The following KCTD8 variants were observed in gnomAD, a reference collection of about 807,000 sequenced individuals.
KCTD8 encodes potassium channel tetramerization domain containing 8, also known as BTB/POZ domain-containing protein KCTD8.
In KCTD8, 27 loss-of-function variants were observed where a neutral mutation model predicts 31.5. That is an observed-to-expected ratio of 0.86 (90% confidence interval 0.63 to 1.18). KCTD8 has a LOEUF of 1.18. KCTD8 is among the 50% of genes most tolerant of loss of function. KCTD8 has a pLI of 0.00. For synonymous variants in KCTD8, 290 were observed against 280.0 expected (o/e 1.04, Z -0.36); for missense variants, 658 against 647.7 (o/e 1.02, Z -0.17).
intron 1 of KCTD8, among the ~76,000 whole-genome samples, chr4:44,255,550 G>GA (rs1395675540): frequency 4.0e-5 from 6 of 151,690 alleles, no homozygotes; most frequent in Admixed American, 4.0e-4. Context: ...TGTCTTAATA[G>GA]AAAAAACTTT....
intron 1 of KCTD8, among the ~76,000 whole-genome samples, chr4:44,263,440 C>G (rs1032708879): frequency 6.6e-6 from 1 of 152,140 alleles, no homozygotes; most frequent in African/African-American, 2.4e-5. Context: ...ATGGCTACTT[C>G]TTAATCGTTT....
intron 1 of KCTD8, among the ~76,000 whole-genome samples, chr4:44,384,313 G>T (rs1265332259): frequency 6.6e-6 from 1 of 151,844 alleles, no homozygotes; most frequent in Non-Finnish European, 1.5e-5. Flanking sequence ...CTACCGCTGG[G>T]TGTGTATTCA....
chr4:44,370,379 C>A (rs372586917), intron 1 of KCTD8, among the ~76,000 whole-genome samples: 2 of 152,118 alleles, frequency 1.3e-5, no homozygotes, highest in African/African-American at 4.8e-5. Context: ...AGCTATATCC[C>A]TATGTCCAAT....
intron 1 of KCTD8, among the ~76,000 whole-genome samples, chr4:44,250,827 T>C (rs1370637691): frequency 1.3e-5 from 2 of 151,778 alleles, no homozygotes; most frequent in Non-Finnish European, 3.0e-5. Flanking sequence ...TTAATTTATA[T>C]AGGGTGCAAA....
chr4:44,255,266 C>T (rs1715958821), intron 1 of KCTD8, among the ~76,000 whole-genome samples: 1 of 151,810 alleles, frequency 6.6e-6, no homozygotes, highest in Non-Finnish European at 1.5e-5. Context: ...GTTGCTAAAA[C>T]CCATCTAAGC....
chr4:44,411,004 ATTTTACACAGGAGTTCTC>A (rs1720940360), intron 1 of KCTD8, among the ~76,000 whole-genome samples: 1 of 152,182 alleles, frequency 6.6e-6, no homozygotes, highest in Admixed American at 6.6e-5. Flanking sequence ...CATTTAATAG[ATTTTACACAGGAGTTCTC>A]AGTGACTTTA....
At chr4:44,316,787 A>G (rs1446406433) in intron 1 of KCTD8, among the ~76,000 whole-genome samples, 2 of 130,572 alleles carry the variant, frequency 1.5e-5, no homozygotes, top group Non-Finnish European at 1.6e-5. Flanking sequence ...CATCTCTACT[A>G]AAAATACGAA....
At chr4:44,345,524 C>G (rs1719014010) in intron 1 of KCTD8, among the ~76,000 whole-genome samples, 1 of 152,076 alleles carries the variant, frequency 6.6e-6, no homozygotes, top group Non-Finnish European at 1.5e-5. Flanking sequence ...ATCTAAAAGA[C>G]TATTTACATA....
At chr4:44,310,598 A>G (rs1717920524) in intron 1 of KCTD8, among the ~76,000 whole-genome samples, 1 of 152,100 alleles carries the variant, frequency 6.6e-6, no homozygotes. Context: ...ATGCTCTGAA[A>G]TGTTTCAAAG....
intron 1 of KCTD8, among the ~76,000 whole-genome samples, chr4:44,210,440 G>C (rs964762229): frequency 6.6e-6 from 1 of 152,084 alleles, no homozygotes; most frequent in Admixed American, 6.6e-5. Context: ...AATCCAATGA[G>C]GTTATATAAC....
rs1719126382 is a variant in KCTD8, at chr4:44,349,086, ACC to A, written c.961+98475_961+98476del. 2.4e-5 allele frequency among the ~76,000 whole-genome samples: 3 copies of A among 124,386 alleles called. 1 individual carries two copies. Among genetic ancestry groups the A allele is most frequent in the African/African-American group, 9.3e-5 (3 of 32,328 alleles). The allele number at this position is 124,386 out of a possible 152,430, so 81.6% of individuals were successfully genotyped here. ...CGCTGCCACCGCCACCACCACCACC[ACC>A]ACCACCACTACCACCAATGCTATCA... On this transcript the variant is annotated intron_variant, in intron 1 of 1. Transcript: ENST00000360029.
chr4:44,401,921 C>G (rs1189821572), intron 1 of KCTD8, among the ~76,000 whole-genome samples: 1 of 152,070 alleles, frequency 6.6e-6, no homozygotes. Flanking sequence ...TATACCCTCC[C>G]AAAATAATTT....
At chr4:44,193,823 G>A (rs575839538) in intron 1 of KCTD8, among the ~76,000 whole-genome samples, 11 of 151,986 alleles carry the variant, frequency 7.2e-5, no homozygotes, top group Non-Finnish European at 1.5e-4. Flanking sequence ...CCTCTGACAT[G>A]CATATTTCTG....
intron 1 of KCTD8, among the ~76,000 whole-genome samples, chr4:44,365,314 A>G (rs1432486181): frequency 3.3e-5 from 5 of 152,160 alleles, no homozygotes; most frequent in African/African-American, 1.2e-4. Context: ...ATGTCTAACA[A>G]CATCAAGGAA....
At chr4:44,440,971 T>C (rs1023992782) in intron 1 of KCTD8, among the ~76,000 whole-genome samples, 1 of 152,218 alleles carries the variant, frequency 6.6e-6, no homozygotes, top group Non-Finnish European at 1.5e-5. Flanking sequence ...GAATACTTCA[T>C]ATATTTTCAC....
rs763877351 is a variant in KCTD8 at position 44,447,979 on chromosome 4, G to A, written c.545C>T (p.Ala182Val). The A allele has an allele frequency of 1.4e-5, 21 of 1,539,282 alleles. No individual in the cohort carries two copies. The South Asian group carries it at 2.5e-4, about 19-fold the overall frequency. ...CGGGCCCGAGGGCACGGCGGCCGCC[G>A]CCCCGCGCAGCAGCAGCGCGTCGCT... ...GSSDALLLRG[A>V]AAAVPSGPGA... The change falls in exon 1 of 2, where the codon GCG becomes GTG. Residue 182 changes from alanine to valine, a missense_variant. Coordinates refer to ENST00000360029, the MANE Select transcript of KCTD8 (RefSeq NM_198353.3).
chr4:44,347,443 C>G (rs1719063173), intron 1 of KCTD8, among the ~76,000 whole-genome samples: 1 of 152,164 alleles, frequency 6.6e-6, no homozygotes, highest in South Asian at 2.1e-4. Flanking sequence ...AACCAAGAGC[C>G]AATGGCTACT....
chr4:44,343,842 T>G (rs939082732), intron 1 of KCTD8, among the ~76,000 whole-genome samples: 3 of 151,974 alleles, frequency 2.0e-5, no homozygotes, highest in Admixed American at 6.6e-5. Flanking sequence ...CAGGGTTTTT[T>G]TTGTTGTTGT....
At chr4:44,317,779 C>T (rs1359680790) in intron 1 of KCTD8, among the ~76,000 whole-genome samples, 1 of 152,182 alleles carries the variant, frequency 6.6e-6, no homozygotes, top group Non-Finnish European at 1.5e-5. Context: ...TTTGCCAACT[C>T]TTGATGAAAG....
Sources: gnomAD v4.1 joint callset for allele counts (sites outside exome capture counted in the v4.1 genomes callset) on GRCh38, gnomAD v4.1.1 for gene constraint, MANE v1.5 for transcripts, NCBI Gene and HGNC (gene_info 2026-07-23, HGNC 2026-07-21) for gene names.